CUL5: variants seen among roughly 807,000 people sequenced by gnomAD.
CUL5 encodes cullin-5.
A neutral mutation model predicts 108.8 loss-of-function variants in CUL5; 26 were observed. That is an observed-to-expected ratio of 0.24 (90% CI 0.18 to 0.33). The LOEUF is 0.33. Ranked by LOEUF, CUL5 falls within the 10% of genes least tolerant of loss-of-function variation. The pLI, the probability that CUL5 is intolerant of heterozygous loss-of-function variation, is 1.00. For synonymous variants in CUL5, 334 were observed against 298.0 expected (o/e 1.12, Z -1.25); for missense variants, 524 against 909.2 (o/e 0.58, Z 5.45).
At chr11:108,012,138 T>G (rs1396196764) in intron 1 of CUL5, among the ~76,000 whole-genome samples, 1 of 152,166 alleles carries the variant, frequency 6.6e-6, no homozygotes, top group Non-Finnish European at 1.5e-5. Flanking sequence ...ACAGAGTGAG[T>G]CTGTAGAACA....
chr11:108,067,088 C>CATTTGGAAGTTAA (rs1863703041), intron 7 of CUL5, among the ~76,000 whole-genome samples: 1 of 152,174 alleles, frequency 6.6e-6, no homozygotes, highest in African/African-American at 2.4e-5. Flanking sequence ...ACCTTATGAA[C>CATTTGGAAGTTAA]CAACTGTGCA....
intron 1 of CUL5, among the ~76,000 whole-genome samples, chr11:108,032,164 C>T (rs1862603305): frequency 6.6e-6 from 1 of 152,164 alleles, no homozygotes; most frequent in Non-Finnish European, 1.5e-5. Flanking sequence ...GTACCCCAAA[C>T]TTAAAAGTTA....
At chr11:108,068,895 C>A (rs1863755869) in intron 7 of CUL5, among the ~76,000 whole-genome samples, 1 of 152,166 alleles carries the variant, frequency 6.6e-6, no homozygotes, top group Non-Finnish European at 1.5e-5. Flanking sequence ...ACCTGCCTTA[C>A]TACCATTATA....
chr11:108,016,984 A>ATT (rs1862209271), intron 1 of CUL5, among the ~76,000 whole-genome samples: 1 of 152,182 alleles, frequency 6.6e-6, no homozygotes, highest in South Asian at 2.1e-4. Context: ...ATTAGAAAAC[A>ATT]TTGGTCAAAT....
chr11:108,059,165 A>G (rs748662907), intron 7 of CUL5, among the ~76,000 whole-genome samples: 1 of 152,236 alleles, frequency 6.6e-6, no homozygotes, highest in Non-Finnish European at 1.5e-5. Context: ...GGCGCATGCA[A>G]CCACACCCAG....
At chr11:108,064,445 C>G (rs550953810) in intron 7 of CUL5, among the ~76,000 whole-genome samples, 1 of 152,060 alleles carries the variant, frequency 6.6e-6, no homozygotes, top group African/African-American at 2.4e-5. Flanking sequence ...CAGTGGCTCA[C>G]GCCTGTAATC....
At chr11:108,032,400 T>C (rs1862612419) in intron 1 of CUL5, among the ~76,000 whole-genome samples, 2 of 152,030 alleles carry the variant, frequency 1.3e-5, no homozygotes, top group South Asian at 2.1e-4. Flanking sequence ...CCCAGCTACT[T>C]GGGAGGATCA....
intron 10 of CUL5, 120 bp from the exon 11 acceptor site, chr11:108,078,056 T>C (rs748310745): frequency 1.3e-5 from 7 of 553,894 alleles, no homozygotes; most frequent in Non-Finnish European, 2.2e-5. Context: ...CAAATTCTGT[T>C]TGGCCAGATA....
In CUL5 at chr11:108,106,681, A is replaced by G. The variant is rs943541115; in HGVS notation, c.*2297A>G. 2 of 151,868 alleles carry G rather than the reference A, an allele frequency of 1.3e-5. No individual in the cohort carries two copies. Among genetic ancestry groups the G allele is most frequent in the Non-Finnish European group, 2.9e-5 (2 of 67,864 alleles). 9.4% of individuals were successfully genotyped at this position (151,868 alleles called of 1,614,324 possible). The stretch of plus-strand genomic sequence containing the variant: ...CAACAGATTTGCTAATTTAAAAAAA[A>G]ATGAAAAAAAAAATCTTACCAGCAG... On this transcript the variant is annotated 3_prime_UTR_variant, in exon 19 of 19. Transcript: ENST00000393094.
Position 108,048,648 on chromosome 11 carries a change from C to CTTTTTTTTTTTT in CUL5, c.235-1217_235-1206dup, listed in dbSNP as rs200991204. On this transcript the variant is annotated intron_variant, in intron 3 of 18. Coordinates refer to ENST00000393094, the MANE Select transcript of CUL5 (RefSeq NM_003478.6). Reference sequence around the variant, plus strand: ...ATAGTGGGGAAATAGACTCCACCACCTTTTTTTTTTTTTTTTTTTTTTTTT... The same window carrying CTTTTTTTTTTTT: ...ATAGTGGGGAAATAGACTCCACCACCTTTTTTTTTTTTTTTTTTTTTTTTTTTTTTTTTTTTT... Among the ~76,000 whole-genome samples, 73 of 116,852 alleles carry CTTTTTTTTTTTT rather than the reference C, an allele frequency of 6.2e-4. 4 individuals carry two copies. The highest frequency in any genetic ancestry group is 2.2e-3 in the African/African-American group (58 of 25,836). 76.7% of individuals were successfully genotyped at this position (116,852 alleles called of 152,430 possible).
In CUL5 at chr11:108,073,377, C is replaced by A; in HGVS notation, c.1006-13C>A. ...TTCTTTTAAAAACTTAATGTAAAAC[C>A]TTTTGTTTCTAGGACTCTGAGAAAT... On this transcript the variant is annotated splice_polypyrimidine_tract_variant and intron_variant, in intron 9 of 18. Coordinates refer to ENST00000393094, the MANE Select transcript of CUL5 (RefSeq NM_003478.6). 7.9e-7 allele frequency: 1 copy of A among 1,271,768 alleles called. No individual in the cohort carries two copies. Among genetic ancestry groups the A allele is most frequent in the Non-Finnish European group, 1.1e-6 (1 of 894,402 alleles). 78.8% of individuals were successfully genotyped at this position (1,271,768 alleles called of 1,614,324 possible).
chr11:108,088,647 G>A lies in CUL5; in HGVS notation c.1299G>A (p.Lys433=). ...KKLTSEEIEA[K]LKEVLLVLKY... ...TAACCTCTGAAGAGATTGAAGCAAA[G>A]CTTAAAGAAGTGGTACATGAATTTT... is the stretch of plus-strand genomic sequence containing the variant. The change falls in exon 12 of 19, where the codon AAG becomes AAA. Residue 433 remains lysine (K), a synonymous_variant. Coordinates refer to ENST00000393094, the MANE Select transcript of CUL5 (RefSeq NM_003478.6). The A allele has an allele frequency of 6.3e-7, 1 of 1,578,728 alleles. No individual in the cohort carries two copies.
rs12276853 is a variant in CUL5, at chr11:108,038,057, A to G, written c.134+4146A>G. On this transcript the variant is annotated intron_variant, in intron 2 of 18. Coordinates refer to ENST00000393094, the MANE Select transcript of CUL5 (RefSeq NM_003478.6). ...ATGATGTAGGACCTTGCTGCATACT[A>G]TCAATTAACTTATACTTCTTGCCTT... Among the ~76,000 whole-genome samples, 1,442 of 152,356 alleles carry G rather than the reference A, an allele frequency of 9.5e-3. 20 individuals carry two copies. Among genetic ancestry groups the G allele is most frequent in the African/African-American group, 0.032 (1,334 of 41,580 alleles).
At chr11:108,063,661 A>AAAAT (rs55661520) in intron 7 of CUL5, among the ~76,000 whole-genome samples, 16,159 of 149,630 alleles carry the variant, frequency 0.11, 1,125 homozygotes, top group African/African-American at 0.18. Context: ...AAATTTAAAA[A>AAAAT]AAATAAATAA....
chr11:108,015,987 T>C (rs781439536), intron 1 of CUL5, among the ~76,000 whole-genome samples: 32 of 152,136 alleles, frequency 2.1e-4, no homozygotes, highest in Non-Finnish European at 3.2e-4. Context: ...AGTGGCATGA[T>C]CATGGCTCAC....
chr11:108,021,699 A>G (rs1862330166), intron 1 of CUL5, among the ~76,000 whole-genome samples: 1 of 151,992 alleles, frequency 6.6e-6, no homozygotes, highest in Admixed American at 6.6e-5. Flanking sequence ...TTGTTTTTGT[A>G]GAGATGGGGT....
At chr11:108,009,430 G>A (rs1310858376) in intron 1 of CUL5, 58 bp downstream of exon 1, 4 of 1,579,338 alleles carry the variant, frequency 2.5e-6, no homozygotes, top group Non-Finnish European at 3.5e-6. Flanking sequence ...CGGCTCTTTG[G>A]GAAAGGCACG....
rs551801862 is a variant in CUL5, at chr11:108,051,020, T to C, written c.411+954T>C. On this transcript the variant is annotated intron_variant, in intron 4 of 18. Coordinates refer to ENST00000393094, the MANE Select transcript of CUL5 (RefSeq NM_003478.6). ...AAAGTAAAAAATGCCATTTGAACTT[T>C]AGTCAATTTACTGTTTACTGTGATG... Among the ~76,000 whole-genome samples, 8 of 152,234 alleles carry C rather than the reference T, an allele frequency of 5.3e-5. No homozygotes were observed. The East Asian group carries it at 1.2e-3, about 22-fold the overall frequency.
chr11:108,078,661 A>G (rs1323934171), intron 11 of CUL5, among the ~76,000 whole-genome samples: 1 of 152,174 alleles, frequency 6.6e-6, no homozygotes, highest in Non-Finnish European at 1.5e-5. Flanking sequence ...TAGCTTATAG[A>G]AAATCTGACA....
Sources: allele counts gnomAD v4.1 joint callset (sites outside exome capture counted in the v4.1 genomes callset), GRCh38; gene constraint gnomAD v4.1.1; transcripts MANE v1.5; gene names NCBI Gene and HGNC (gene_info 2026-07-23, HGNC 2026-07-21).